The following PPFIA3 variants were observed in gnomAD, a reference collection of about 807,000 sequenced individuals.
The protein encoded by PPFIA3 is liprin-alpha-3.
PPFIA3 carries 26 observed loss-of-function variants against 145.8 expected under a neutral mutation model. The observed-to-expected ratio is 0.18, with a 90% confidence interval of 0.13 to 0.25. The LOEUF is 0.25. Among genes scored for constraint, PPFIA3 ranks in the 10% least tolerant of loss-of-function variants. The pLI is 1.00. For synonymous variants in PPFIA3, 645 were observed against 661.4 expected (o/e 0.98, Z 0.38); for missense variants, 1,008 against 1,587.8 (o/e 0.63, Z 6.21).
At chr19:49,147,968 T>C in intron 23 of PPFIA3, 115 bp from the exon 24 acceptor site, 1 of 1,094,222 alleles carries the variant, frequency 9.1e-7, no homozygotes. Flanking sequence ...TTGGTCATTG[T>C]CCTACCATGG....
intron 7 of PPFIA3, among the ~76,000 whole-genome samples, chr19:49,132,390 CAAAAAAAAAA>C (rs11351172): frequency 1.5e-3 from 65 of 43,676 alleles, no homozygotes; most frequent in South Asian, 0.012. Flanking sequence ...CTCTCTCTCT[CAAAAAAAAAA>C]AAAAAAAAAA....
chr19:49,136,447 G>T (rs2041137943), intron 14 of PPFIA3, among the ~76,000 whole-genome samples: 1 of 152,144 alleles, frequency 6.6e-6, no homozygotes, highest in Non-Finnish European at 1.5e-5. Context: ...AAATTAGCCG[G>T]GCGTGGTAGC....
At chr19:49,144,003 T>A (rs1305723248) in intron 21 of PPFIA3, among the ~76,000 whole-genome samples, 2 of 141,842 alleles carry the variant, frequency 1.4e-5, no homozygotes, top group Non-Finnish European at 3.0e-5. Context: ...TTTTATTTTT[T>A]ATTTTTATTT....
At chr19:49,125,577 A>AGGGCTG in intron 1 of PPFIA3, 1 of 152,220 alleles carries the variant, frequency 6.6e-6, no homozygotes, top group African/African-American at 2.4e-5. Context: ...TAGCTTCAAG[A>AGGGCTG]GGGCTGGGGC....
At position 49,130,461 on chromosome 19, in the gene PPFIA3, C is replaced by G. The variant is rs765171358; in HGVS notation, c.741C>G (p.Ala247=). The change falls in exon 7 of 30, where the codon GCC becomes GCG. Residue 247 remains alanine, a synonymous_variant. Coordinates refer to ENST00000334186, the MANE Select transcript of PPFIA3 (RefSeq NM_003660.4). The surrounding 1 kb of genome is among the most constrained non-coding windows in gnomAD (Gnocchi z 4.5). ...ELEEALERQR[A]EVCQLRERLA... is the part of the protein sequence containing the mutation. ...AGGAGGCCCTGGAGCGGCAGCGCGC[C>G]GAGGTGTGCCAGCTGCGGGAGCGCC... 6.2e-7 allele frequency: 1 copy of G among 1,608,738 alleles called. No homozygotes were observed. Among genetic ancestry groups the G allele is most frequent in the South Asian group, 1.1e-5 (1 of 90,030 alleles).
At chr19:49,125,119 T>C (rs1233047075) in intron 1 of PPFIA3, among the ~76,000 whole-genome samples, 1 of 151,918 alleles carries the variant, frequency 6.6e-6, no homozygotes, top group Non-Finnish European at 1.5e-5. Context: ...TGGCTTGCCC[T>C]CTTAGAATCG....
rs1385918384 is a variant in PPFIA3 at position 49,127,287 on chromosome 19, G to A, written c.-15-572G>A. On this transcript the variant is annotated intron_variant, in intron 1 of 29. Transcript: ENST00000334186. ...ATCCCAGCTACTCGGGAGGCTGAGGGAGGAGAATTGCTTGAACCGGGACCC... is the reference window on the plus strand; with the variant it reads ...ATCCCAGCTACTCGGGAGGCTGAGGAAGGAGAATTGCTTGAACCGGGACCC... Among the ~76,000 whole-genome samples, 5 of 149,192 alleles carry A rather than the reference G, an allele frequency of 3.4e-5. No individual in the cohort carries two copies. In the Admixed American group the frequency reaches 3.4e-4, roughly 10 times the overall value.
intron 1 of PPFIA3, among the ~76,000 whole-genome samples, chr19:49,125,819 T>A (rs948478298): frequency 6.6e-6 from 1 of 152,128 alleles, no homozygotes; most frequent in Non-Finnish European, 1.5e-5. Flanking sequence ...CGAAAGGGAC[T>A]GGGTCTTAGA....
rs771359543 is a variant in PPFIA3 at position 49,130,045 on chromosome 19, C to T, written c.635C>T (p.Pro212Leu). 2 of 1,612,958 alleles carry T rather than the reference C, an allele frequency of 1.2e-6. No homozygotes were observed. The highest frequency in any genetic ancestry group is 1.7e-6 in the Non-Finnish European group (2 of 1,179,662). ...AGGCGGCGGTCAGGGCTGGAAGAGC[C>T]GGGCAAGGATGGGGATGGGCAGGTG... The part of the protein sequence containing the change: ...LSRRRSGLEE[P>L]GKDGDGQTLA... The change falls in exon 6 of 30, where the codon CCG becomes CTG. Residue 212 changes from proline (P) to leucine (L), a missense_variant. Transcript: ENST00000334186. This position sits in a 1 kb window ranked among gnomAD's most constrained non-coding sequence, Gnocchi z 4.5.
intron 12 of PPFIA3, 63 bp downstream of exon 12, chr19:49,134,764 G>A: frequency 1.9e-6 from 3 of 1,611,686 alleles, no homozygotes; most frequent in Non-Finnish European, 1.7e-6. Flanking sequence ...GCTAGGGTCT[G>A]CAAGTCTGGC....
chr19:49,121,432 C>T (rs375760300), intron 1 of PPFIA3, among the ~76,000 whole-genome samples: 2 of 152,178 alleles, frequency 1.3e-5, no homozygotes. Flanking sequence ...ACCTTAGCCG[C>T]CTGAGTAGCT....
chr19:49,134,933 GCCC>G lies in PPFIA3; in HGVS notation c.1520+19_1520+21del, dbSNP rs1568437328. ...TACTCCAGGTGACAGCAGCCCTTCTGCCCTGCCCCCACCATGGAGCCCCGTTGG... is the reference window on the plus strand; with the variant it reads ...TACTCCAGGTGACAGCAGCCCTTCTGTGCCCCCACCATGGAGCCCCGTTGG... On this transcript the variant is annotated intron_variant, in intron 13 of 29. Transcript: ENST00000334186. 2 of 1,531,476 alleles carry G rather than the reference GCCC, an allele frequency of 1.3e-6. No individual in the cohort carries two copies. Among genetic ancestry groups the G allele is most frequent in the South Asian group, 2.6e-5 (2 of 77,680 alleles). 94.9% of individuals were successfully genotyped at this position (1,531,476 alleles called of 1,614,324 possible). A position where few individuals can be genotyped will look rare whatever the true frequency, so the allele number is the denominator to read the frequency against.
chr19:49,135,724 C>G lies in PPFIA3; in HGVS notation c.1521-55C>G, dbSNP rs2041129650. 5.8e-6 allele frequency: 9 copies of G among 1,538,650 alleles called. No individual in the cohort carries two copies. The South Asian group carries it at 9.8e-5, about 17-fold the overall frequency. ...CTAGGTCTGTCTCTGTGACCCTTAC[C>G]TCTGTGCTCTTTTCCTGACCCCTTG... On this transcript the variant is annotated intron_variant, in intron 13 of 29. Coordinates refer to ENST00000334186, the MANE Select transcript of PPFIA3 (RefSeq NM_003660.4).
At chr19:49,140,639 CTTTTTTTTT>C (rs4002348) in intron 18 of PPFIA3, among the ~76,000 whole-genome samples, 14 of 63,830 alleles carry the variant, frequency 2.2e-4, no homozygotes, top group African/African-American at 7.1e-4. Context: ...ACTCATTTAC[CTTTTTTTTT>C]TTTTTTTTTT....
chr19:49,143,170 C>A (rs1345601900), intron 21 of PPFIA3, among the ~76,000 whole-genome samples, 166 bp downstream of exon 21: 1 of 152,144 alleles, frequency 6.6e-6, no homozygotes, highest in Non-Finnish European at 1.5e-5. Context: ...GCCTGTGGTC[C>A]GTCCCTGTGG....
intron 1 of PPFIA3, among the ~76,000 whole-genome samples, chr19:49,123,218 G>A (rs1397582163): frequency 6.6e-6 from 1 of 151,150 alleles, no homozygotes; most frequent in African/African-American, 2.4e-5. Context: ...TTTTAATAGA[G>A]ACAGGGTTTT....
In PPFIA3 at chr19:49,150,108, C is replaced by T. The variant is rs1349661649; in HGVS notation, c.3555C>T (p.Asp1185=). The T allele has an allele frequency of 6.8e-6, 11 of 1,610,922 alleles. No individual in the cohort carries two copies. The highest frequency in any genetic ancestry group is 3.3e-5 in the South Asian group (3 of 89,932). ...EGQTSGSSRA[D]GVSVRTYSC is the part of the protein sequence containing the mutation. ...AGACTTCTGGGAGTTCCCGGGCAGA[C>T]GGCGTTTCGGTCCGGACCTATTCCT... The change falls in exon 29 of 30, where the codon GAC becomes GAT. Residue 1185 remains aspartate (D), a synonymous_variant. Coordinates refer to ENST00000334186, the MANE Select transcript of PPFIA3 (RefSeq NM_003660.4).
chr19:49,147,923 A>G (rs1468074167), intron 23 of PPFIA3, among the ~76,000 whole-genome samples, 160 bp from the exon 24 acceptor site: 1 of 152,130 alleles, frequency 6.6e-6, no homozygotes, highest in African/African-American at 2.4e-5. Flanking sequence ...GGGCTAGGAG[A>G]CAACTCTGGA....
chr19:49,122,285 G>A (rs960883486), intron 1 of PPFIA3, among the ~76,000 whole-genome samples: 1 of 152,028 alleles, frequency 6.6e-6, no homozygotes, highest in Non-Finnish European at 1.5e-5. Flanking sequence ...GTTTCTCCAT[G>A]TTGGTCAGAC....
Sources: gnomAD v4.1 joint callset for allele counts (sites outside exome capture counted in the v4.1 genomes callset) on GRCh38, gnomAD v4.1.1 for gene constraint, Gnocchi (gnomAD v3.1) non-coding constraint, MANE v1.5 for transcripts, NCBI Gene and HGNC (gene_info 2026-07-23, HGNC 2026-07-21) for gene names.